The following INPP5D variants were observed in gnomAD, a reference collection of about 807,000 sequenced individuals.
INPP5D encodes the protein phosphatidylinositol 3,4,5-trisphosphate 5-phosphatase 1.
A neutral mutation model predicts 122.9 loss-of-function variants in INPP5D; 33 were observed. That is an observed-to-expected ratio of 0.27 (90% CI 0.20 to 0.36). INPP5D has a LOEUF of 0.36. Ranked by LOEUF, INPP5D falls within the 10% of genes least tolerant of loss-of-function variation. The pLI, the probability that INPP5D is intolerant of heterozygous loss-of-function variation, is 1.00. For missense variants in INPP5D, 1,053 were observed against 1,412.7 expected (o/e 0.75, Z 4.08); for synonymous variants, 584 against 576.2 (o/e 1.01, Z -0.19).
chr2:233,097,588 C>G (rs983506904), intron 2 of INPP5D, among the ~76,000 whole-genome samples: 5 of 152,176 alleles, frequency 3.3e-5, no homozygotes, highest in Admixed American at 3.3e-4. Context: ...CAAACAGAAT[C>G]TTCCTTTTCC....
chr2:233,192,347 T>C (rs1486271836), intron 22 of INPP5D, among the ~76,000 whole-genome samples: 3 of 152,204 alleles, frequency 2.0e-5, no homozygotes, highest in African/African-American at 7.2e-5. Flanking sequence ...TTCATATTCA[T>C]ACTCACAAGC....
At chr2:233,126,554 T>C (rs1693166251) in intron 4 of INPP5D, among the ~76,000 whole-genome samples, 1 of 152,230 alleles carries the variant, frequency 6.6e-6, no homozygotes, top group Admixed American at 6.5e-5. Flanking sequence ...ATTTATCAAA[T>C]AGCCGAATAT....
intron 21 of INPP5D, among the ~76,000 whole-genome samples, chr2:233,186,686 T>C (rs1217533164): frequency 4.2e-4 from 4 of 9,570 alleles, no homozygotes; most frequent in South Asian, 4.4e-3. Context: ...TTCTCTTTCT[T>C]TTTTTTTTTT....
intron 23 of INPP5D, among the ~76,000 whole-genome samples, chr2:233,195,085 C>A (rs1203587503): frequency 2.0e-5 from 3 of 152,160 alleles, no homozygotes; most frequent in African/African-American, 4.8e-5. Flanking sequence ...CATGAGCCAC[C>A]ACACCTGGCC....
chr2:233,166,470 G>A (rs1295766915), intron 13 of INPP5D, among the ~76,000 whole-genome samples: 1 of 152,180 alleles, frequency 6.6e-6, no homozygotes, highest in African/African-American at 2.4e-5. Context: ...CAGAGGTCAG[G>A]GGCCTCCCTG....
Position 233,164,184 on chromosome 2 carries a change from G to C in INPP5D, c.1438-123G>C, listed in dbSNP as rs1035943033. ...AAGCATCGCTGGGAGTCCCCCGAAG[G>C]GTTGGGATTACAGACAGGATACCCC... On this transcript the variant is annotated intron_variant, in intron 12 of 26. Transcript: ENST00000445964. The surrounding 1 kb of genome is among the most constrained non-coding windows in gnomAD (Gnocchi z 4.3). 3.7e-5 allele frequency: 54 copies of C among 1,441,684 alleles called. No homozygotes were observed. The highest frequency in any genetic ancestry group is 4.6e-5 in the Non-Finnish European group (51 of 1,097,876). The allele number at this position is 1,441,684 out of a possible 1,614,324, so 89.3% of individuals were successfully genotyped here. A position where few individuals can be genotyped will look rare whatever the true frequency, so the allele number is the denominator to read the frequency against.
chr2:233,067,884 C>G (rs1254797902), intron 1 of INPP5D, among the ~76,000 whole-genome samples: 1 of 152,172 alleles, frequency 6.6e-6, no homozygotes, highest in African/African-American at 2.4e-5. Context: ...TTTGTCTTTT[C>G]CTTGTTTCCT....
chr2:233,138,303 T>TAAAAA (rs749510803), intron 5 of INPP5D, among the ~76,000 whole-genome samples: 30 of 103,506 alleles, frequency 2.9e-4, no homozygotes, highest in African/African-American at 4.5e-4. Flanking sequence ...TAAGATTGTC[T>TAAAAA]AAAAAAAAAA....
At chr2:233,063,545 G>A (rs1691131248) in intron 1 of INPP5D, among the ~76,000 whole-genome samples, 1 of 152,276 alleles carries the variant, frequency 6.6e-6, no homozygotes, top group African/African-American at 2.4e-5. Flanking sequence ...CAGGGCTACA[G>A]TTCAGTGCCA....
At chr2:233,085,079 C>T (rs1455511380) in intron 2 of INPP5D, among the ~76,000 whole-genome samples, 2 of 152,186 alleles carry the variant, frequency 1.3e-5, no homozygotes, top group African/African-American at 2.4e-5. Context: ...AGGTACAGCA[C>T]TACCTTCAAG....
chr2:233,098,457 C>T (rs1254686793), intron 2 of INPP5D, among the ~76,000 whole-genome samples: 1 of 152,198 alleles, frequency 6.6e-6, no homozygotes, highest in African/African-American at 2.4e-5. Context: ...AGGAAACTCT[C>T]AGGCCACAAC....
chr2:233,198,698 C>A (rs2106326450), intron 25 of INPP5D, among the ~76,000 whole-genome samples: 1 of 152,290 alleles, frequency 6.6e-6, no homozygotes, highest in Non-Finnish European at 1.5e-5. Context: ...CGCCTGTAAT[C>A]CCAGCACTTT....
At chr2:233,110,613 G>C (rs1692597429) in intron 2 of INPP5D, among the ~76,000 whole-genome samples, 1 of 152,176 alleles carries the variant, frequency 6.6e-6, no homozygotes. Context: ...AACTATTACA[G>C]TGTTTAGCTC....
rs1333146601 is a variant in INPP5D, at chr2:233,094,524, A to C, written c.198+15126A>C. Among the ~76,000 whole-genome samples the C allele has an allele frequency of 1.7e-4, 25 of 149,892 alleles. 2 individuals carry two copies. The highest frequency in any genetic ancestry group is 4.2e-4 in the South Asian group (2 of 4,758). ...CAAGACTCCATCCCAAAAAAAAAAA[A>C]AAAAAAAAAAAAAAAAAATTCTAAA... On this transcript the variant is annotated intron_variant, in intron 2 of 26. Coordinates refer to ENST00000445964, the MANE Select transcript of INPP5D (RefSeq NM_001017915.3).
intron 2 of INPP5D, among the ~76,000 whole-genome samples, chr2:233,092,164 C>A (rs1018738571): frequency 2.6e-5 from 4 of 152,188 alleles, no homozygotes; most frequent in African/African-American, 7.2e-5. Flanking sequence ...GGCAGGCGGG[C>A]GGCCGGAGTG....
At chr2:233,109,736 G>A (rs1310306064) in intron 2 of INPP5D, among the ~76,000 whole-genome samples, 1 of 149,956 alleles carries the variant, frequency 6.7e-6, no homozygotes, top group African/African-American at 2.5e-5. Context: ...CTGCCACCAC[G>A]CCCAGCTATT....
chr2:233,135,654 T>A lies in INPP5D; in HGVS notation c.666-4188T>A, dbSNP rs183113303. On this transcript the variant is annotated intron_variant, in intron 5 of 26. Coordinates refer to ENST00000445964, the MANE Select transcript of INPP5D (RefSeq NM_001017915.3). Reference sequence around the variant, plus strand: ...ATTTAATATATTTAATATTTAAAAATTCAAACTCCTTGACAGTATAATAAA... The same window carrying A: ...ATTTAATATATTTAATATTTAAAAAATCAAACTCCTTGACAGTATAATAAA... 1.6e-3 allele frequency among the ~76,000 whole-genome samples: 238 copies of A among 150,564 alleles called. 1 individual carries two copies. The highest frequency in any genetic ancestry group is 5.7e-3 in the African/African-American group (237 of 41,326).
At position 233,170,940 on chromosome 2, in the gene INPP5D, C is replaced by A; in HGVS notation, c.1901-124C>A. ...AAAAAAAAAAGCAGCAGCCTCTCCT[C>A]TTGGAGCCTTTCCAGCCATCCTTTC... On this transcript the variant is annotated intron_variant, in intron 16 of 26. Coordinates refer to ENST00000445964, the MANE Select transcript of INPP5D (RefSeq NM_001017915.3). This position sits in a 1 kb window ranked among gnomAD's most constrained non-coding sequence, Gnocchi z 4.5. The A allele has an allele frequency of 2.6e-6, 3 of 1,141,320 alleles. No homozygotes were observed. Among genetic ancestry groups the A allele is most frequent in the Non-Finnish European group, 3.7e-6 (3 of 815,744 alleles). 70.7% of individuals were successfully genotyped at this position (1,141,320 alleles called of 1,614,324 possible).
intron 2 of INPP5D, among the ~76,000 whole-genome samples, chr2:233,103,260 A>G (rs1184733005): frequency 1.3e-5 from 2 of 152,202 alleles, no homozygotes; most frequent in Non-Finnish European, 2.9e-5. Flanking sequence ...CAACCCATAT[A>G]GGTGGGTTGT....
Sources: gnomAD v4.1 joint callset for allele counts (sites outside exome capture counted in the v4.1 genomes callset) on GRCh38, gnomAD v4.1.1 for gene constraint, Gnocchi (gnomAD v3.1) non-coding constraint, MANE v1.5 for transcripts, NCBI Gene and HGNC (gene_info 2026-07-23, HGNC 2026-07-21) for gene names.